The following NBAS variants were observed in gnomAD, a reference collection of about 807,000 sequenced individuals.
NBAS encodes NAG/BC035112 fusion.
In NBAS, 219 loss-of-function variants were observed where a neutral mutation model predicts 302.5. That is an observed-to-expected ratio of 0.72 (90% CI 0.65 to 0.81). The LOEUF (loss-of-function observed/expected upper bound fraction) is 0.81, where lower values mean the gene tolerates loss of function less well. NBAS is among the 30% of genes least tolerant of loss of function. NBAS has a pLI of 0.00. For synonymous variants in NBAS, 1,118 were observed against 1,021.6 expected (o/e 1.09, Z -1.80); for missense variants, 2,932 against 2,841.6 (o/e 1.03, Z -0.72).
intron 6 of NBAS, among the ~76,000 whole-genome samples, chr2:15,543,028 G>C (rs536113149): frequency 1.3e-5 from 2 of 152,180 alleles, no homozygotes; most frequent in Non-Finnish European, 2.9e-5. Flanking sequence ...CCAGTTGCTC[G>C]TGTGGCTTGG....
At chr2:14,817,543 GT>G in the NBAS span, among the ~76,000 whole-genome samples, 1 of 152,172 alleles carries the variant, frequency 6.6e-6, no homozygotes, top group Admixed American at 6.5e-5. Context: ...CCCAGTAAAA[GT>G]ATGTTTGAAT....
At chr2:15,058,890 C>A in the NBAS span, among the ~76,000 whole-genome samples, 5 of 152,312 alleles carry the variant, frequency 3.3e-5, no homozygotes, top group Admixed American at 1.3e-4. Flanking sequence ...CCTCCAAGGC[C>A]AAATCCCTTA....
At chr2:15,337,283 C>T (rs1321024123) in intron 35 of NBAS, among the ~76,000 whole-genome samples, 1 of 152,024 alleles carries the variant, frequency 6.6e-6, no homozygotes, top group South Asian at 2.1e-4. Context: ...ATCGTGCACT[C>T]CAGCCTGGAG....
the NBAS span, among the ~76,000 whole-genome samples, chr2:14,921,840 T>C: frequency 6.6e-6 from 1 of 151,492 alleles, no homozygotes; most frequent in Non-Finnish European, 1.5e-5. Flanking sequence ...CTATTATACA[T>C]TTTTTTTACA....
the NBAS span, among the ~76,000 whole-genome samples, chr2:14,847,000 C>T: frequency 1.3e-5 from 2 of 152,148 alleles, no homozygotes; most frequent in African/African-American, 4.8e-5. Context: ...GGACCAACCT[C>T]TCCAATCAAA....
At chr2:15,087,365 C>G in the NBAS span, among the ~76,000 whole-genome samples, 1 of 152,160 alleles carries the variant, frequency 6.6e-6, no homozygotes, top group Non-Finnish European at 1.5e-5. Flanking sequence ...GTATCAGTCA[C>G]ATAGTAAGAA....
At chr2:15,381,669 G>C (rs1246252682) in intron 29 of NBAS, among the ~76,000 whole-genome samples, 2 of 152,170 alleles carry the variant, frequency 1.3e-5, no homozygotes, top group African/African-American at 4.8e-5. Context: ...TTGGGTTTTA[G>C]ATCTCATGTG....
chr2:14,944,025 T>C, the NBAS span, among the ~76,000 whole-genome samples: 78,865 of 151,966 alleles, frequency 0.52, 21,948 homozygotes, highest in African/African-American at 0.72. Context: ...CCCTGCCAGG[T>C]GCGGTGGCTC....
the NBAS span, among the ~76,000 whole-genome samples, chr2:15,049,962 G>A: frequency 3.3e-5 from 5 of 152,176 alleles, no homozygotes; most frequent in East Asian, 1.9e-4. Context: ...GGCTGCCCTC[G>A]GCCATGCAGC....
At chr2:14,797,961 C>A in the NBAS span, among the ~76,000 whole-genome samples, 8 of 152,176 alleles carry the variant, frequency 5.3e-5, no homozygotes, top group Non-Finnish European at 1.0e-4. Flanking sequence ...ATCCTTCAAC[C>A]TTCCTAAACT....
intron 50 of NBAS, chr2:15,180,208 G>C (rs1382991555): frequency 2.0e-5 from 3 of 152,206 alleles, no homozygotes; most frequent in African/African-American, 7.2e-5. Flanking sequence ...TCAGGATAAA[G>C]TTCTCTTGGG....
chr2:14,786,848 C>A, the NBAS span, among the ~76,000 whole-genome samples: 1 of 152,086 alleles, frequency 6.6e-6, no homozygotes, highest in African/African-American at 2.4e-5. Flanking sequence ...CCGCTTGGTG[C>A]AGAGCTGAGT....
At chr2:15,006,187 T>A in the NBAS span, among the ~76,000 whole-genome samples, 1 of 152,152 alleles carries the variant, frequency 6.6e-6, no homozygotes, top group African/African-American at 2.4e-5. Context: ...GCACGTATTA[T>A]AATAGAAAAA....
At chr2:14,829,040 CT>C in the NBAS span, among the ~76,000 whole-genome samples, 170 of 140,490 alleles carry the variant, frequency 1.2e-3, no homozygotes, top group Non-Finnish European at 1.4e-3. Flanking sequence ...TTTTGTTTTT[CT>C]TTTTTTTTTT....
the NBAS span, among the ~76,000 whole-genome samples, chr2:14,997,773 C>T: frequency 6.6e-6 from 1 of 152,264 alleles, no homozygotes; most frequent in African/African-American, 2.4e-5. Context: ...CTCCTCATTT[C>T]CCCCAATCCC....
chr2:14,901,527 C>A, the NBAS span, among the ~76,000 whole-genome samples: 5 of 151,120 alleles, frequency 3.3e-5, no homozygotes, highest in Admixed American at 6.6e-5. Context: ...AAAAGATAAA[C>A]CACAGAGAAA....
the NBAS span, among the ~76,000 whole-genome samples, chr2:15,020,228 C>A: frequency 1.0e-3 from 158 of 152,206 alleles, no homozygotes; most frequent in Non-Finnish European, 4.7e-4. Flanking sequence ...ATAAAGAGGG[C>A]AAGACTTGAT....
intron 35 of NBAS, among the ~76,000 whole-genome samples, chr2:15,341,678 G>C (rs1256407397): frequency 6.6e-6 from 1 of 152,118 alleles, no homozygotes; most frequent in Non-Finnish European, 1.5e-5. Flanking sequence ...AATTCTAACA[G>C]TGGTGCTAAA....
intron 48 of NBAS, among the ~76,000 whole-genome samples, chr2:15,192,929 T>A (rs936607773): frequency 6.6e-6 from 1 of 151,172 alleles, no homozygotes; most frequent in Admixed American, 6.6e-5. Flanking sequence ...AAAAGAATCA[T>A]GTTTTCAATA....
Sources: gnomAD v4.1 joint callset for allele counts (sites outside exome capture counted in the v4.1 genomes callset) on GRCh38, gnomAD v4.1.1 for gene constraint, MANE v1.5 for transcripts, NCBI Gene and HGNC (gene_info 2026-07-23, HGNC 2026-07-21) for gene names.